The following FIG4 variants were observed in gnomAD, a reference collection of about 807,000 sequenced individuals.
FIG4 encodes the protein FIG4 phosphoinositide 5-phosphatase, also known as polyphosphoinositide phosphatase.
In FIG4, 112 loss-of-function variants were observed where a neutral mutation model predicts 118.6. The ratio of observed to expected loss-of-function variants is 0.94; its 90% CI spans 0.81 to 1.11. The LOEUF is 1.11. Among genes scored for constraint, FIG4 ranks in the 50% least tolerant of loss-of-function variants. The pLI, the probability that FIG4 is intolerant of heterozygous loss-of-function variation, is 0.00. For synonymous variants in FIG4, 369 were observed against 381.2 expected (o/e 0.97, Z 0.37); for missense variants, 969 against 1,111.7 (o/e 0.87, Z 1.83).
At chr6:109,755,158 A>C (rs919787959) in intron 10 of FIG4, among the ~76,000 whole-genome samples, 16 of 152,190 alleles carry the variant, frequency 1.1e-4, no homozygotes, top group African/African-American at 3.9e-4. Context: ...GTTGGTTTCA[A>C]AGAACATCTT....
chr6:109,776,933 C>T lies in FIG4; in HGVS notation c.1762C>T (p.Gln588Ter), dbSNP rs2128394568. 4 of 1,613,048 alleles carry T rather than the reference C, an allele frequency of 2.5e-6. No individual in the cohort carries two copies. Among genetic ancestry groups the T allele is most frequent in the Non-Finnish European group, 3.4e-6 (4 of 1,179,232 alleles). Residue 588 changes from glutamine (Q) to a stop codon, truncating the protein, a stop_gained, in exon 16 of 23, where the codon CAA becomes TAA. Transcript: ENST00000230124. LOFTEE classifies it high-confidence loss of function. Reference protein sequence around the residue: ...YSNAFSDADRQDSINLFLGVF... With the variant: ...YSNAFSDADR Reference sequence around the variant, plus strand: ...ATTTTGCTTTTTAGATGCCGATAGACAAGATTCCATTAATCTCTTCCTGGG... The same window carrying T: ...ATTTTGCTTTTTAGATGCCGATAGATAAGATTCCATTAATCTCTTCCTGGG...
chr6:109,776,787 G>T, intron 15 of FIG4, 135 bp from the exon 16 acceptor site: 1 of 707,978 alleles, frequency 1.4e-6, no homozygotes, highest in South Asian at 1.6e-5. Context: ...ATGTGTGTGT[G>T]TATGAAGTAT....
intron 14 of FIG4, among the ~76,000 whole-genome samples, 165 bp downstream of exon 14, chr6:109,765,326 T>C (rs770390894): frequency 6.6e-6 from 1 of 152,186 alleles, no homozygotes; most frequent in Non-Finnish European, 1.5e-5. Flanking sequence ...TTTCTTCTAG[T>C]AGTTTTATAG....
rs530839784 is a variant in FIG4, at chr6:109,778,170, T to G, written c.1889+1110T>G. ...ATAGAGCCCTAATTTTGCGCAAAGA[T>G]ACCTACCAGGCCGGGCGTGGTGGCT... On this transcript the variant is annotated intron_variant, in intron 16 of 22. Transcript: ENST00000230124. 2.6e-5 allele frequency among the ~76,000 whole-genome samples: 4 copies of G among 152,052 alleles called. No individual in the cohort carries two copies. The East Asian group carries it at 7.8e-4, about 30-fold the overall frequency.
At chr6:109,781,729 G>A (rs1224642033) in intron 16 of FIG4, among the ~76,000 whole-genome samples, 1 of 87,486 alleles carries the variant, frequency 1.1e-5, no homozygotes, top group African/African-American at 2.9e-5. Flanking sequence ...AAAAAGTATT[G>A]AAATGTGTAC....
Position 109,742,981 on chromosome 6 carries a change from C to G in FIG4, c.877-129C>G, listed in dbSNP as rs1044243391. 2.1e-5 allele frequency: 17 copies of G among 807,088 alleles called. 1 individual carries two copies. In the South Asian group the frequency reaches 2.4e-4, roughly 11 times the overall value. The allele number at this position is 807,088 out of a possible 1,614,324, so 50.0% of individuals were successfully genotyped here. A position where few individuals can be genotyped will look rare whatever the true frequency, so the allele number is the denominator to read the frequency against. On this transcript the variant is annotated intron_variant, in intron 8 of 22. Transcript: ENST00000230124. ...ATATTGAATATTGATCAATATTTAC[C>G]TCTCAAGACTTTCAAAGAATAGGAA...
Position 109,691,402 on chromosome 6 carries a change from G to A in FIG4, c.-34G>A. The A allele has an allele frequency of 1.9e-6, 3 of 1,551,282 alleles. No homozygotes were observed. The highest frequency in any genetic ancestry group is 2.6e-6 in the Non-Finnish European group (3 of 1,144,258). Reference sequence around the variant, plus strand: ...GTCTCCTGGGGCGGTCCGGAGGCTCGTGCCCTGTTGTGGGGCCCCCATTTG... The same window carrying A: ...GTCTCCTGGGGCGGTCCGGAGGCTCATGCCCTGTTGTGGGGCCCCCATTTG... On this transcript the variant is annotated 5_prime_UTR_variant, in exon 1 of 23. It adds an upstream start codon to the 5' untranslated region. Coordinates refer to ENST00000230124, the MANE Select transcript of FIG4 (RefSeq NM_014845.6).
At chr6:109,774,148 A>G (rs901064016) in intron 15 of FIG4, among the ~76,000 whole-genome samples, 1 of 152,220 alleles carries the variant, frequency 6.6e-6, no homozygotes, top group African/African-American at 2.4e-5. Flanking sequence ...TGTTAATTAT[A>G]CAAAGTACAG....
chr6:109,696,556 G>A (rs1774727037), intron 1 of FIG4, among the ~76,000 whole-genome samples: 1 of 152,192 alleles, frequency 6.6e-6, no homozygotes, highest in Non-Finnish European at 1.5e-5. Context: ...ATACTATTCA[G>A]CCAGGAAAAA....
At chr6:109,779,929 C>G (rs545745072) in intron 16 of FIG4, among the ~76,000 whole-genome samples, 1 of 152,312 alleles carries the variant, frequency 6.6e-6, no homozygotes, top group Non-Finnish European at 1.5e-5. Context: ...GATGATTATA[C>G]ATACCTCACA....
intron 21 of FIG4, 52 bp downstream of exon 21, chr6:109,792,716 G>C: frequency 1.3e-6 from 1 of 772,104 alleles, no homozygotes; most frequent in South Asian, 1.4e-5. Context: ...TATAATTACA[G>C]TAACTTCTAA....
At chr6:109,698,394 T>G (rs1258184001) in intron 1 of FIG4, among the ~76,000 whole-genome samples, 1 of 152,194 alleles carries the variant, frequency 6.6e-6, no homozygotes, top group Non-Finnish European at 1.5e-5. Context: ...GGGATTGTGA[T>G]TTGAATTTCA....
chr6:109,706,127 C>A (rs1775059879), intron 1 of FIG4, among the ~76,000 whole-genome samples: 1 of 152,214 alleles, frequency 6.6e-6, no homozygotes, highest in South Asian at 2.1e-4. Flanking sequence ...AAGGAGTTAG[C>A]CCCAGTCTCC....
At chr6:109,773,626 GCCACGGCCAT>G (rs1777531406) in intron 15 of FIG4, among the ~76,000 whole-genome samples, 1 of 152,056 alleles carries the variant, frequency 6.6e-6, no homozygotes, top group South Asian at 2.1e-4. Flanking sequence ...AGTCCACACA[GCCACGGCCAT>G]CCACTGTTAT....
intron 6 of FIG4, among the ~76,000 whole-genome samples, chr6:109,736,496 CAGAT>C (rs921227564): frequency 2.0e-5 from 3 of 152,120 alleles, no homozygotes; most frequent in Non-Finnish European, 2.9e-5. Context: ...CCACTAGAGA[CAGAT>C]AGAGGGCAAG....
intron 22 of FIG4, among the ~76,000 whole-genome samples, chr6:109,803,296 G>A (rs1365107956): frequency 2.0e-5 from 3 of 152,228 alleles, no homozygotes; most frequent in Non-Finnish European, 4.4e-5. Context: ...GGAGTCTGCT[G>A]TTGGCAGTTG....
At chr6:109,808,350 C>CAAAAAAA (rs55948419) in intron 22 of FIG4, among the ~76,000 whole-genome samples, 105 of 66,880 alleles carry the variant, frequency 1.6e-3, no homozygotes, top group African/African-American at 2.4e-3. Flanking sequence ...ACACTCACAG[C>CAAAAAAA]AAAAAAAAAA....
chr6:109,774,013 T>G (rs1399718073), intron 15 of FIG4, among the ~76,000 whole-genome samples: 1 of 152,144 alleles, frequency 6.6e-6, no homozygotes, highest in Non-Finnish European at 1.5e-5. Context: ...AATCTCCCTG[T>G]GTTCCCCAGG....
chr6:109,789,939 C>G (rs1186343303), intron 19 of FIG4, among the ~76,000 whole-genome samples: 1 of 152,176 alleles, frequency 6.6e-6, no homozygotes, highest in Non-Finnish European at 1.5e-5. Flanking sequence ...TCAGCATTCT[C>G]TGTTTCCCAA....
Sources: gnomAD v4.1 joint callset for allele counts (sites outside exome capture counted in the v4.1 genomes callset) on GRCh38, gnomAD v4.1.1 for gene constraint, MANE v1.5 for transcripts, NCBI Gene and HGNC (gene_info 2026-07-23, HGNC 2026-07-21) for gene names.